Variants in SPRY3 observed in about 807,000 individuals in gnomAD.
SPRY3 encodes sprouty RTK signaling antagonist 3.
Under a neutral mutation model 20.2 loss-of-function variants are expected in SPRY3, and 15 were observed. That is an observed-to-expected ratio of 0.74 (90% CI 0.50 to 1.14). The LOEUF (loss-of-function observed/expected upper bound fraction) is 1.14, where lower values mean the gene tolerates loss of function less well. Among genes scored for constraint, SPRY3 ranks in the 50% most tolerant of loss-of-function variants. The pLI, the probability that SPRY3 is intolerant of heterozygous loss-of-function variation, is 0.00. For synonymous variants in SPRY3, 143 were observed against 136.5 expected (o/e 1.05, Z -0.33); for missense variants, 364 against 363.9 (o/e 1.00, Z 0.00).
intron 2 of SPRY3, among the ~76,000 whole-genome samples, chrX:155,710,028 T>C (rs1287031856): frequency 6.6e-6 from 1 of 151,828 alleles, no homozygotes; most frequent in East Asian, 1.9e-4. Flanking sequence ...ATGTGTATAT[T>C]CTTATGCGAG....
At chrX:155,655,553 C>A (rs2067989701) in intron 1 of SPRY3, among the ~76,000 whole-genome samples, 1 of 111,390 alleles carries the variant, frequency 9.0e-6, no homozygotes, top group Non-Finnish European at 1.9e-5. Flanking sequence ...GATATGGGTC[C>A]AGGTTCATTC....
intron 2 of SPRY3, among the ~76,000 whole-genome samples, chrX:155,749,743 A>G (rs986138008): frequency 6.6e-6 from 1 of 151,900 alleles, no homozygotes; most frequent in African/African-American, 2.4e-5. Flanking sequence ...TAGAATAACT[A>G]AGGTACTGTT....
chrX:155,623,707 C>G lies in SPRY3; in HGVS notation c.-441+11060C>G, dbSNP rs184926153. ...TTACTCGTGGGTCCAGACGCTAGTC[C>G]AATATGCATCAGAAGAACTTGCAGG... On this transcript the variant is annotated intron_variant, in intron 1 of 3. Transcript: ENST00000675360. Among the ~76,000 whole-genome samples, 143 of 111,993 alleles carry G rather than the reference C, an allele frequency of 1.3e-3. 1 individual carries two copies. Among genetic ancestry groups the G allele is most frequent in the African/African-American group, 4.4e-3 (137 of 30,930 alleles).
At chrX:155,722,225 C>T (rs1042243282) in intron 2 of SPRY3, among the ~76,000 whole-genome samples, 85 of 152,114 alleles carry the variant, frequency 5.6e-4, no homozygotes, top group Admixed American at 2.2e-3. Flanking sequence ...AAAAAATACA[C>T]TAAAAATAAA....
At chrX:155,688,647 T>C (rs1296270940) in intron 2 of SPRY3, among the ~76,000 whole-genome samples, 1 of 111,501 alleles carries the variant, frequency 9.0e-6, no homozygotes, top group African/African-American at 3.3e-5. Context: ...GATGTTGAGC[T>C]TTTTTCCATA....
intron 1 of SPRY3, among the ~76,000 whole-genome samples, chrX:155,646,936 A>G (rs1603120129): frequency 8.9e-6 from 1 of 111,825 alleles, no homozygotes; most frequent in East Asian, 2.8e-4. Context: ...CTTGTCATAT[A>G]TAGCCTTTAT....
chrX:155,763,645 T>G (rs2091313180), intron 2 of SPRY3, among the ~76,000 whole-genome samples: 2 of 152,192 alleles, frequency 1.3e-5, no homozygotes, highest in Admixed American at 1.3e-4. Flanking sequence ...GTTTGAATGT[T>G]TCACTCTTTG....
intron 3 of SPRY3, among the ~76,000 whole-genome samples, chrX:155,769,353 C>T (rs2091367136): frequency 6.6e-6 from 1 of 152,048 alleles, no homozygotes; most frequent in South Asian, 2.1e-4. Context: ...AGAAATGCAA[C>T]CAACAAACCC....
intron 2 of SPRY3, among the ~76,000 whole-genome samples, chrX:155,691,380 A>G (rs2068101557): frequency 1.1e-5 from 1 of 88,425 alleles, no homozygotes; most frequent in Non-Finnish European, 2.1e-5. Flanking sequence ...TGGAATACAC[A>G]GCATTCCTAC....
chrX:155,670,956 T>G (rs1222078037), intron 2 of SPRY3, among the ~76,000 whole-genome samples: 1 of 112,079 alleles, frequency 8.9e-6, no homozygotes, highest in Admixed American at 9.5e-5. Context: ...ATTACTACAG[T>G]CCATAATCTT....
At chrX:155,660,755 C>A (rs781941560) in intron 2 of SPRY3, among the ~76,000 whole-genome samples, 69 of 108,122 alleles carry the variant, frequency 6.4e-4, no homozygotes, top group African/African-American at 2.2e-3. Flanking sequence ...GATTTGATTC[C>A]TTTATCATAT....
chrX:155,758,299 T>C (rs1378976982), intron 2 of SPRY3, among the ~76,000 whole-genome samples: 1 of 152,144 alleles, frequency 6.6e-6, no homozygotes, highest in African/African-American at 2.4e-5. Flanking sequence ...ATAAGGAAAA[T>C]AGGGCCTAGA....
chrX:155,775,612 T>C (rs2091420214), exon 4 of SPRY3: 1 of 167,090 alleles, frequency 6.0e-6, no homozygotes, highest in Admixed American at 6.5e-5. Flanking sequence ...TGAGGCGAAG[T>C]TATCTTATAT....
downstream of SPRY3, chrX:155,778,811 C>T (rs557386574): frequency 1.8e-5 from 3 of 167,102 alleles, no homozygotes; most frequent in East Asian, 5.8e-4. Context: ...TGTCCAAAGT[C>T]ACACAGTTCT....
intron 2 of SPRY3, among the ~76,000 whole-genome samples, chrX:155,727,235 AT>A (rs1285621417): frequency 5.9e-5 from 9 of 151,744 alleles, no homozygotes; most frequent in African/African-American, 1.9e-4. Context: ...TGCCCTTAAC[AT>A]TTTTTCTTTC....
intron 2 of SPRY3, among the ~76,000 whole-genome samples, chrX:155,712,698 T>A (rs1293440839): frequency 6.6e-6 from 1 of 151,978 alleles, no homozygotes; most frequent in Non-Finnish European, 1.5e-5. Flanking sequence ...TATTAATAAG[T>A]AGAGACTTAC....
intron 2 of SPRY3, chrX:155,767,745 G>GGAGTAGGAGGAGAGA (rs2091348150): frequency 2.8e-5 from 4 of 145,150 alleles, no homozygotes; most frequent in Admixed American, 6.9e-5. Context: ...AGAGAGAGGA[G>GGAGTAGGAGGAGAGA]GAGGAGGAGA....
intron 2 of SPRY3, among the ~76,000 whole-genome samples, chrX:155,765,224 C>T (rs1452773521): frequency 6.6e-6 from 1 of 152,074 alleles, no homozygotes; most frequent in Non-Finnish European, 1.5e-5. Flanking sequence ...GAACAAAAAT[C>T]CCTGAAGGGA....
At chrX:155,773,983 G>A (rs766377750) in exon 4 of SPRY3, 14 of 1,613,790 alleles carry the variant, frequency 8.7e-6, no homozygotes, top group African/African-American at 1.3e-5. Context: ...CTGTAAACAG[G>A]CCCTCTCCAG....
Sources: gnomAD v4.1 joint callset for allele counts (sites outside exome capture counted in the v4.1 genomes callset) on GRCh38, gnomAD v4.1.1 for gene constraint, MANE v1.5 for transcripts, NCBI Gene and HGNC (gene_info 2026-07-23, HGNC 2026-07-21) for gene names.